Variants in HEATR1 observed in about 807,000 individuals in gnomAD.
HEATR1 encodes the protein HEAT repeat-containing protein 1.
Under a neutral mutation model 248.2 loss-of-function variants are expected in HEATR1, and 77 were observed. That is an observed-to-expected ratio of 0.31 (90% CI 0.26 to 0.37). The LOEUF is 0.37. Among genes scored for constraint, HEATR1 ranks in the 10% least tolerant of loss-of-function variants. The pLI is 1.00. For synonymous variants in HEATR1, 897 were observed against 923.1 expected, an observed-to-expected ratio of 0.97 and a Z score of 0.51; for missense variants, 2,420 against 2,504.9, an observed-to-expected ratio of 0.97 and a Z score of 0.72.
rs1223856843 is a variant in HEATR1, at chr1:236,572,528, T to C, written c.3590A>G (p.Gln1197Arg). Reference protein sequence around the residue: ...QKKSQDLESVQEVGGSYWQRV... With the variant: ...QKKSQDLESVREVGGSYWQRV... ...TTGCCAGTAAGAACCTCCAACTTCCTGAACAGATTCTAGATCTTGTGATTT... is the reference window on the plus strand; with the variant it reads ...TTGCCAGTAAGAACCTCCAACTTCCCGAACAGATTCTAGATCTTGTGATTT... The change falls in exon 26 of 45, where the codon CAG becomes CGG. Residue 1197 changes from glutamine to arginine, a missense_variant. Gln to Arg is a conservative substitution (Grantham distance 43). Coordinates refer to ENST00000366582, the MANE Select transcript of HEATR1 (RefSeq NM_018072.6). 1.2e-6 allele frequency: 2 copies of C among 1,613,962 alleles called. No individual in the cohort carries two copies. The highest frequency in any genetic ancestry group is 3.3e-5 in the Admixed American group (2 of 60,000).
At chr1:236,584,422 A>G (rs1446018127) in intron 17 of HEATR1, among the ~76,000 whole-genome samples, 1 of 152,230 alleles carries the variant, frequency 6.6e-6, no homozygotes, top group Non-Finnish European at 1.5e-5. Flanking sequence ...AAATGTGAAA[A>G]AGATATAATT....
At chr1:236,583,621 G>A (rs757524750) in intron 17 of HEATR1, among the ~76,000 whole-genome samples, 19 of 151,686 alleles carry the variant, frequency 1.3e-4, no homozygotes, top group Non-Finnish European at 2.1e-4. Context: ...CGAGTAGGAA[G>A]GATTACAGGT....
rs1054220667 is a variant in HEATR1, at chr1:236,568,512, G to C, written c.4077+484C>G. On this transcript the variant is annotated intron_variant, in intron 29 of 44. Coordinates refer to ENST00000366582, the MANE Select transcript of HEATR1 (RefSeq NM_018072.6). ...ACTTTTGAATTGTTCATTCCTTACTGGGAGAGAGAACATCTCACCTCTCTC... is the reference window on the plus strand; with the variant it reads ...ACTTTTGAATTGTTCATTCCTTACTCGGAGAGAGAACATCTCACCTCTCTC... Among the ~76,000 whole-genome samples the C allele has an allele frequency of 7.2e-5, 11 of 152,258 alleles. No homozygotes were observed. The South Asian group carries it at 2.3e-3, about 32-fold the overall frequency.
At chr1:236,563,309 C>T (rs978233415) in intron 32 of HEATR1, among the ~76,000 whole-genome samples, 6 of 151,762 alleles carry the variant, frequency 4.0e-5, no homozygotes, top group Non-Finnish European at 7.4e-5. Context: ...GACAGAATCT[C>T]GCTCTGTCAC....
intron 36 of HEATR1, among the ~76,000 whole-genome samples, 176 bp downstream of exon 36, chr1:236,558,061 C>A (rs561396899): frequency 1.3e-5 from 2 of 152,242 alleles, no homozygotes; most frequent in South Asian, 4.1e-4. Flanking sequence ...GCCTTGGCCT[C>A]CCAAAGTGGT....
chr1:236,562,414 TTG>T (rs1663153629), intron 32 of HEATR1, among the ~76,000 whole-genome samples: 1 of 152,228 alleles, frequency 6.6e-6, no homozygotes, highest in South Asian at 2.1e-4. Context: ...CTGACTAAAG[TTG>T]TCTTTTCTAC....
intron 33 of HEATR1, among the ~76,000 whole-genome samples, chr1:236,560,548 G>A (rs554540605): frequency 3.4e-4 from 52 of 152,128 alleles, no homozygotes; most frequent in Non-Finnish European, 6.3e-4. Flanking sequence ...TACGCATAGC[G>A]CTACAAGTCA....
At chr1:236,553,115 T>A (rs1052124779) in intron 43 of HEATR1, 1 of 152,344 alleles carries the variant, frequency 6.6e-6, no homozygotes, top group Non-Finnish European at 1.5e-5. Context: ...AACCTACCCA[T>A]GTTTTATTTC....
In HEATR1 at chr1:236,558,569, C is replaced by CA. The variant is rs748300136; in HGVS notation, c.4912-41dup. ...CAGAATCCCCAAATCATTAAAGCTG[C>CA]AAAAAATGTTTGTCCATTTTCCCAT... On this transcript the variant is annotated intron_variant, in intron 35 of 44. Coordinates refer to ENST00000366582, the MANE Select transcript of HEATR1 (RefSeq NM_018072.6). The CA allele has an allele frequency of 7.7e-6, 12 of 1,553,862 alleles. No individual in the cohort carries two copies. The South Asian group carries it at 9.8e-5, about 13-fold the overall frequency.
chr1:236,589,792 T>C (rs533090283), intron 12 of HEATR1, among the ~76,000 whole-genome samples: 1 of 152,210 alleles, frequency 6.6e-6, no homozygotes, highest in Admixed American at 6.5e-5. Context: ...ATGACACAGA[T>C]GGAGCATTCC....
chr1:236,587,267 G>A (rs983432669), intron 14 of HEATR1, 135 bp downstream of exon 14: 1 of 401,302 alleles, frequency 2.5e-6, no homozygotes, highest in African/African-American at 2.1e-5. Context: ...GAGTATTACA[G>A]TAAGATCTGT....
At chr1:236,594,354 T>C (rs1267972667) in intron 8 of HEATR1, among the ~76,000 whole-genome samples, 3 of 152,212 alleles carry the variant, frequency 2.0e-5, no homozygotes, top group Admixed American at 1.3e-4. Context: ...ACAAGTACTA[T>C]CATGCTTATA....
chr1:236,558,165 A>AG, intron 36 of HEATR1, 72 bp downstream of exon 36: 3 of 1,442,210 alleles, frequency 2.1e-6, no homozygotes, highest in Non-Finnish European at 2.8e-6. Context: ...AAAAAAAAAA[A>AG]GTCACCAAAG....
At chr1:236,558,916 G>C in intron 35 of HEATR1, 79 bp downstream of exon 35, 3 of 1,215,088 alleles carry the variant, frequency 2.5e-6, no homozygotes, top group Non-Finnish European at 3.4e-6. Context: ...TGTACCACTA[G>C]AGAAATTGAA....
Position 236,555,675 on chromosome 1 carries a change from T to C in HEATR1, c.5650-20A>G, listed in dbSNP as rs760832057. The C allele has an allele frequency of 5.0e-6, 8 of 1,612,006 alleles. No individual in the cohort carries two copies. Among genetic ancestry groups the C allele is most frequent in the Non-Finnish European group, 6.8e-6 (8 of 1,178,082 alleles). On this transcript the variant is annotated intron_variant, in intron 39 of 44. Transcript: ENST00000366582. ...ATCGTTCTGAAAACAGAAGAGCCCA[T>C]TTATTAGAGTGCTGATACCTGACTG...
intron 19 of HEATR1, among the ~76,000 whole-genome samples, chr1:236,581,720 T>C (rs1663747582): frequency 1.3e-5 from 2 of 152,158 alleles, no homozygotes; most frequent in South Asian, 2.1e-4. Flanking sequence ...GCCAACTCCA[T>C]GTCAAATGCT....
chr1:236,572,493 G>C lies in HEATR1; in HGVS notation c.3625C>G (p.Leu1209Val), dbSNP rs1436520893. 2 of 1,614,078 alleles carry C rather than the reference G, an allele frequency of 1.2e-6. No homozygotes were observed. Among genetic ancestry groups the C allele is most frequent in the Admixed American group, 1.7e-5 (1 of 60,024 alleles). ...VGGSYWQRVT[L>V]ILELLQHKKK... ...TTGTGCTGCAGTAATTCCAGGATGA[G>C]AGTTACTCTTTGCCAGTAAGAACCT... Residue 1209 changes from leucine to valine, a missense_variant, in exon 26 of 45, where the codon CTC becomes GTC. Leu to Val is a conservative substitution (Grantham distance 32, BLOSUM62 1). Coordinates refer to ENST00000366582, the MANE Select transcript of HEATR1 (RefSeq NM_018072.6).
intron 33 of HEATR1, among the ~76,000 whole-genome samples, chr1:236,560,810 A>C (rs1470914926): frequency 6.6e-6 from 1 of 152,246 alleles, no homozygotes; most frequent in Non-Finnish European, 1.5e-5. Context: ...GGCCAGATTA[A>C]GACACTAAAC....
chr1:236,555,875 A>G lies in HEATR1; in HGVS notation c.5579T>C (p.Leu1860Pro). 6.2e-7 allele frequency: 1 copy of G among 1,613,810 alleles called. No individual in the cohort carries two copies. The highest frequency in any genetic ancestry group is 8.5e-7 in the Non-Finnish European group (1 of 1,179,706). Residue 1860 changes from leucine to proline, a missense_variant, in exon 39 of 45, where the codon CTC becomes CCC. Coordinates refer to ENST00000366582, the MANE Select transcript of HEATR1 (RefSeq NM_018072.6). ...GGTTAGCTGAGACTGATGGGAGGTG[A>G]GCTCTTCCTTCTTCATCACCCCAAT... ...EHIGVMKKEE[L>P]TSHQSQLTAF...
Sources: allele counts gnomAD v4.1 joint callset (sites outside exome capture counted in the v4.1 genomes callset), GRCh38; gene constraint gnomAD v4.1.1; transcripts MANE v1.5; gene names NCBI Gene and HGNC (gene_info 2026-07-23, HGNC 2026-07-21).